PTPRD: variants seen among roughly 807,000 people sequenced by gnomAD.
PTPRD encodes the protein protein tyrosine phosphatase receptor type D.
A neutral mutation model predicts 214.5 loss-of-function variants in PTPRD; 34 were observed. The ratio of observed to expected loss-of-function variants is 0.16; its 90% CI spans 0.12 to 0.21. The LOEUF is 0.21. Ranked by LOEUF, PTPRD falls within the 10% of genes least tolerant of loss-of-function variation. The pLI is 1.00. For missense variants in PTPRD, 2,545 were observed against 2,398.7 expected, an observed-to-expected ratio of 1.06 and a Z score of -1.27; for synonymous variants, 1,128 against 845.7, an observed-to-expected ratio of 1.33 and a Z score of -5.79.
At chr9:10,552,294 C>T (rs542121602) in intron 2 of PTPRD, among the ~76,000 whole-genome samples, 1 of 152,072 alleles carries the variant, frequency 6.6e-6, no homozygotes, top group Non-Finnish European at 1.5e-5. Flanking sequence ...TCATTCCAGT[C>T]CAAAAGTTTC....
intron 3 of PTPRD, among the ~76,000 whole-genome samples, chr9:10,219,947 T>A (rs549844631): frequency 1.3e-5 from 2 of 151,884 alleles, no homozygotes; most frequent in South Asian, 4.1e-4. Flanking sequence ...ACAATCTGGA[T>A]AGGAGTATGA....
chr9:9,976,411 G>C (rs1161110276), intron 4 of PTPRD, among the ~76,000 whole-genome samples: 1 of 151,562 alleles, frequency 6.6e-6, no homozygotes, highest in Non-Finnish European at 1.5e-5. Context: ...TTTTGAGACA[G>C]AGTCTTGCTC....
intron 34 of PTPRD, among the ~76,000 whole-genome samples, chr9:8,445,440 C>T (rs1020756684): frequency 4.6e-5 from 7 of 152,176 alleles, no homozygotes; most frequent in African/African-American, 1.7e-4. Context: ...CTTCCCCGAC[C>T]TGTTCAGGTG....
chr9:8,407,820 GTATC>G (rs918833255), intron 35 of PTPRD, among the ~76,000 whole-genome samples: 3 of 152,126 alleles, frequency 2.0e-5, no homozygotes, highest in African/African-American at 7.2e-5. Flanking sequence ...TCATCCATCT[GTATC>G]TATCTGTCTG....
intron 24 of PTPRD, 100 bp from the exon 25 acceptor site, chr9:8,499,940 T>C: frequency 2.0e-6 from 2 of 999,060 alleles, no homozygotes; most frequent in Non-Finnish European, 2.8e-6. Context: ...TTTCAAAAAA[T>C]GGGTAAACCC....
intron 11 of PTPRD, among the ~76,000 whole-genome samples, chr9:8,983,132 A>G (rs1289469449): frequency 6.6e-6 from 1 of 152,040 alleles, no homozygotes; most frequent in African/African-American, 2.4e-5. Flanking sequence ...GTTATTTAAC[A>G]TTTTAGTGGC....
intron 4 of PTPRD, among the ~76,000 whole-genome samples, chr9:9,948,208 C>T (rs71497160): frequency 6.6e-6 from 1 of 152,072 alleles, no homozygotes; most frequent in African/African-American, 2.4e-5. Flanking sequence ...AGGCTATCCT[C>T]CTAAAGCACA....
At chr9:8,879,826 A>G (rs1566796311) in intron 11 of PTPRD, among the ~76,000 whole-genome samples, 1 of 152,162 alleles carries the variant, frequency 6.6e-6, no homozygotes, top group Non-Finnish European at 1.5e-5. Context: ...CCAAGTGTCC[A>G]GTCATCCATT....
At chr9:10,511,922 ATATATATACGTG>A (rs2048220455) in intron 2 of PTPRD, among the ~76,000 whole-genome samples, 2 of 121,380 alleles carry the variant, frequency 1.6e-5, no homozygotes, top group East Asian at 2.5e-4. Flanking sequence ...ATACGTGTAT[ATATATATACGTG>A]TATATATATA....
intron 33 of PTPRD, among the ~76,000 whole-genome samples, chr9:8,452,609 A>G (rs2096004714): frequency 6.6e-6 from 1 of 152,174 alleles, no homozygotes; most frequent in Non-Finnish European, 1.5e-5. Context: ...TTTTCTATTA[A>G]GATTATAAAA....
At chr9:9,452,675 C>T (rs973160425) in intron 8 of PTPRD, among the ~76,000 whole-genome samples, 1 of 149,974 alleles carries the variant, frequency 6.7e-6, no homozygotes, top group Non-Finnish European at 1.5e-5. Flanking sequence ...GATTCACAGA[C>T]TTAAAGATTC....
In PTPRD at chr9:10,319,782, C is replaced by T. The variant is rs147994416; in HGVS notation, c.-545+21181G>A. ...ATAAAGAGTACTTAAAGAGAGATCA[C>T]GAGAGACAGCTAAATATGTACAAAA... On this transcript the variant is annotated intron_variant, in intron 3 of 45. Transcript: ENST00000381196. Among the ~76,000 whole-genome samples, 76 of 151,886 alleles carry T rather than the reference C, an allele frequency of 5.0e-4. 1 individual carries two copies. The highest frequency in any genetic ancestry group is 1.7e-3 in the African/African-American group (72 of 41,460).
chr9:9,596,779 TAA>T (rs2093384917), intron 7 of PTPRD, among the ~76,000 whole-genome samples: 1 of 152,032 alleles, frequency 6.6e-6, no homozygotes. Context: ...TAGCTTAAGT[TAA>T]TTCTAAACAT....
At chr9:10,228,204 G>A (rs1417121131) in intron 3 of PTPRD, among the ~76,000 whole-genome samples, 1 of 151,964 alleles carries the variant, frequency 6.6e-6, no homozygotes, top group Non-Finnish European at 1.5e-5. Flanking sequence ...GAAGAGATAT[G>A]TGCCTCTATA....
chr9:9,231,799 G>A (rs2099963291), intron 9 of PTPRD, among the ~76,000 whole-genome samples: 1 of 151,892 alleles, frequency 6.6e-6, no homozygotes, highest in South Asian at 2.1e-4. Flanking sequence ...TGTTACATAG[G>A]TATACATGTG....
At chr9:10,354,518 A>G (rs1393988759) in intron 2 of PTPRD, among the ~76,000 whole-genome samples, 1 of 152,098 alleles carries the variant, frequency 6.6e-6, no homozygotes, top group Non-Finnish European at 1.5e-5. Context: ...TTTGATTCCT[A>G]CCTCATCGTA....
intron 5 of PTPRD, among the ~76,000 whole-genome samples, chr9:9,797,239 G>C (rs902825691): frequency 1.6e-5 from 2 of 128,144 alleles, no homozygotes; most frequent in Non-Finnish European, 1.6e-5. Flanking sequence ...CAGAATTTCA[G>C]GCAGTTTTTT....
chr9:9,392,305 A>G, intron 9 of PTPRD, among the ~76,000 whole-genome samples: 1 of 152,188 alleles, frequency 6.6e-6, no homozygotes, highest in Non-Finnish European at 1.5e-5. Context: ...CCTGCTTACA[A>G]TGCAAAGTTA....
At chr9:8,723,648 C>G (rs1460151061) in intron 12 of PTPRD, among the ~76,000 whole-genome samples, 1 of 152,176 alleles carries the variant, frequency 6.6e-6, no homozygotes, top group Non-Finnish European at 1.5e-5. Flanking sequence ...AGAGGAGTTT[C>G]TATCAACCTA....
Sources: gnomAD v4.1 joint callset for allele counts (sites outside exome capture counted in the v4.1 genomes callset) on GRCh38, gnomAD v4.1.1 for gene constraint, MANE v1.5 for transcripts, NCBI Gene and HGNC (gene_info 2026-07-23, HGNC 2026-07-21) for gene names.